Variants in ADK observed in about 807,000 individuals in gnomAD.
The protein encoded by ADK is adenosine kinase, also known as N6,N6-dimethyladenosine kinase.
Under a neutral mutation model 44.7 loss-of-function variants are expected in ADK, and 24 were observed. The observed-to-expected ratio is 0.54, with a 90% confidence interval of 0.39 to 0.76. ADK has a LOEUF of 0.76. Among genes scored for constraint, ADK ranks in the 30% least tolerant of loss-of-function variants. The pLI is 0.00. For synonymous variants in ADK, 128 were observed against 142.6 expected (o/e 0.90, Z 0.73); for missense variants, 321 against 425.1 (o/e 0.76, Z 2.15).
chr10:74,600,467 G>A lies in ADK; in HGVS notation c.851G>A (p.Gly284Glu), dbSNP rs1227713942. ...KRQRIVIFTQ[G>E]RDDTIMATES... ...CAGCGAATCGTGATCTTCACCCAAG[G>A]GAGAGATGACACTATAATGGCTACA... is the stretch of plus-strand genomic sequence containing the variant. The change falls in exon 9 of 11, where the codon GGG becomes GAG. Residue 284 changes from glycine (G) to glutamate (E), a missense_variant. By Grantham distance (98) the Gly-to-Glu change is moderately conservative. Coordinates refer to ENST00000539909, the MANE Select transcript of ADK (RefSeq NM_006721.4). 3.7e-6 allele frequency: 6 copies of A among 1,610,310 alleles called. No homozygotes were observed. The highest frequency in any genetic ancestry group is 5.1e-6 in the Non-Finnish European group (6 of 1,178,136).
chr10:74,288,037 A>G (rs1159570752), intron 3 of ADK, among the ~76,000 whole-genome samples: 2 of 151,960 alleles, frequency 1.3e-5, no homozygotes, highest in African/African-American at 4.8e-5. Context: ...TTTTACTTAG[A>G]ACCTTTCAAA....
chr10:74,177,313 C>T (rs763225701), intron 1 of ADK, among the ~76,000 whole-genome samples: 18 of 152,170 alleles, frequency 1.2e-4, no homozygotes, highest in Non-Finnish European at 2.2e-4. Flanking sequence ...AAAGTTGGCC[C>T]TTCTCTGATG....
intron 7 of ADK, among the ~76,000 whole-genome samples, chr10:74,534,367 A>C (rs985352416): frequency 7.9e-5 from 12 of 152,214 alleles, no homozygotes; most frequent in African/African-American, 2.9e-4. Flanking sequence ...AGTTCCAAAA[A>C]TACACTGCTA....
intron 1 of ADK, among the ~76,000 whole-genome samples, chr10:74,151,913 T>C (rs890117613): frequency 1.3e-5 from 2 of 152,210 alleles, no homozygotes; most frequent in African/African-American, 4.8e-5. Context: ...AAAGGTTGAT[T>C]TCTCTTTTTT....
At chr10:74,386,090 A>G (rs1162298297) in intron 4 of ADK, among the ~76,000 whole-genome samples, 1 of 152,186 alleles carries the variant, frequency 6.6e-6, no homozygotes, top group Non-Finnish European at 1.5e-5. Context: ...TAATCATCTG[A>G]GAATCTATCC....
At chr10:74,354,526 T>G (rs1842072229) in intron 4 of ADK, among the ~76,000 whole-genome samples, 1 of 152,206 alleles carries the variant, frequency 6.6e-6, no homozygotes, top group Non-Finnish European at 1.5e-5. Flanking sequence ...GAAACCATGA[T>G]AAACTCCAAC....
At chr10:74,176,733 C>T (rs754737495) in intron 1 of ADK, 6 of 1,503,994 alleles carry the variant, frequency 4.0e-6, no homozygotes, top group East Asian at 2.4e-5. Context: ...AGGGGCCGCC[C>T]GCGCGCGGGG....
Position 74,392,925 on chromosome 10 carries a change from A to G in ADK, c.274-1216A>G, listed in dbSNP as rs72818562. 3.1e-3 allele frequency among the ~76,000 whole-genome samples: 466 copies of G among 151,988 alleles called. 1 individual carries two copies. Among genetic ancestry groups the G allele is most frequent in the Non-Finnish European group, 5.4e-3 (365 of 67,932 alleles). ...TTTTTGAATGGCTGTGTGGTATTCC[A>G]TTGTGTGGATATATCATAATTTAAT... On this transcript the variant is annotated intron_variant, in intron 4 of 10. Coordinates refer to ENST00000539909, the MANE Select transcript of ADK (RefSeq NM_006721.4).
intron 1 of ADK, among the ~76,000 whole-genome samples, chr10:74,161,794 C>T (rs1442155755): frequency 1.3e-5 from 2 of 151,908 alleles, no homozygotes; most frequent in East Asian, 3.9e-4. Flanking sequence ...CAGCTTTGAC[C>T]TCCCAGGCTC....
chr10:74,516,387 C>T (rs1848575995), intron 6 of ADK, among the ~76,000 whole-genome samples: 2 of 152,266 alleles, frequency 1.3e-5, no homozygotes, highest in South Asian at 4.2e-4. Context: ...CACTACTCTT[C>T]CTTCACACTC....
chr10:74,231,544 T>G (rs1591900791), intron 3 of ADK, among the ~76,000 whole-genome samples: 1 of 146,280 alleles, frequency 6.8e-6, no homozygotes, highest in Admixed American at 6.9e-5. Context: ...CATGACTCAC[T>G]GCAGCCTTGA....
At chr10:74,493,225 T>G (rs1230085540) in intron 6 of ADK, among the ~76,000 whole-genome samples, 1 of 152,028 alleles carries the variant, frequency 6.6e-6, no homozygotes, top group Non-Finnish European at 1.5e-5. Context: ...TCACCCAGGC[T>G]GGAGTGCAGT....
chr10:74,629,677 CA>C (rs1375125766), intron 9 of ADK, among the ~76,000 whole-genome samples: 2 of 152,086 alleles, frequency 1.3e-5, no homozygotes, highest in Non-Finnish European at 2.9e-5. Context: ...TATCAATTTA[CA>C]GTATGAATTT....
intron 9 of ADK, among the ~76,000 whole-genome samples, chr10:74,653,239 G>C (rs566210059): frequency 6.6e-6 from 1 of 152,122 alleles, no homozygotes; most frequent in Admixed American, 6.5e-5. Flanking sequence ...ATCACTTGAG[G>C]TCAGGAGTTC....
intron 9 of ADK, among the ~76,000 whole-genome samples, chr10:74,621,161 G>T (rs1019237245): frequency 1.3e-5 from 2 of 152,180 alleles, no homozygotes; most frequent in African/African-American, 4.8e-5. Flanking sequence ...ATGTCTTGAA[G>T]TGTTTCCCTT....
intron 9 of ADK, among the ~76,000 whole-genome samples, chr10:74,664,176 C>G (rs932890930): frequency 6.6e-6 from 1 of 152,068 alleles, no homozygotes; most frequent in Non-Finnish European, 1.5e-5. Context: ...ATACTATATC[C>G]ATGTAGTGGA....
intron 7 of ADK, among the ~76,000 whole-genome samples, chr10:74,562,810 G>A (rs1850508503): frequency 6.6e-6 from 1 of 152,180 alleles, no homozygotes; most frequent in South Asian, 2.1e-4. Flanking sequence ...TCAAGTACAA[G>A]CTGTTGTACT....
chr10:74,588,701 A>G (rs1851612452), intron 7 of ADK, among the ~76,000 whole-genome samples: 2 of 152,196 alleles, frequency 1.3e-5, no homozygotes, highest in Admixed American at 1.3e-4. Flanking sequence ...TAAAGTGATG[A>G]CAGCTTGATC....
Position 74,303,588 on chromosome 10 carries a change from GTTTT to G in ADK, c.195-11056_195-11053del, listed in dbSNP as rs1185036462. Reference sequence around the variant, plus strand: ...CACTTTTCATATTGGTTTTAATGTTGTTTTTTTTTTTTTTTTTTTTTTTTTTGCT... The same window carrying G: ...CACTTTTCATATTGGTTTTAATGTTGTTTTTTTTTTTTTTTTTTTTTTGCT... On this transcript the variant is annotated intron_variant, in intron 3 of 10. Coordinates refer to ENST00000539909, the MANE Select transcript of ADK (RefSeq NM_006721.4). Among the ~76,000 whole-genome samples, 340 of 68,550 alleles carry G rather than the reference GTTTT, an allele frequency of 5.0e-3. 2 individuals carry two copies. The highest frequency in any genetic ancestry group is 0.022 in the African/African-American group (273 of 12,680). The allele number at this position is 68,550 out of a possible 152,430, so 45.0% of individuals were successfully genotyped here.
Sources: allele counts gnomAD v4.1 joint callset (sites outside exome capture counted in the v4.1 genomes callset), GRCh38; gene constraint gnomAD v4.1.1; transcripts MANE v1.5; gene names NCBI Gene and HGNC (gene_info 2026-07-23, HGNC 2026-07-21).